RDH10: variants seen among roughly 807,000 people sequenced by gnomAD.
RDH10 encodes retinol dehydrogenase 10.
RDH10 carries 12 observed loss-of-function variants against 30.2 expected under a neutral mutation model. The observed-to-expected ratio is 0.40, with a 90% CI of 0.25 to 0.64. RDH10 has a LOEUF of 0.64. Ranked by LOEUF, RDH10 falls within the 30% of genes least tolerant of loss-of-function variation. RDH10 has a pLI of 0.43. For missense variants in RDH10, 268 were observed against 445.2 expected (o/e 0.60, Z 3.58); for synonymous variants, 189 against 172.2 (o/e 1.10, Z -0.76).
chr8:73,296,303 T>C (rs1361852949), intron 1 of RDH10, among the ~76,000 whole-genome samples: 2 of 152,188 alleles, frequency 1.3e-5, no homozygotes, highest in Admixed American at 6.5e-5. Flanking sequence ...TTCAGGAAAT[T>C]TGATAATGGC....
chr8:73,325,175 A>C lies in RDH10; in HGVS notation c.*2139A>C, dbSNP rs1231171931. On this transcript the variant is annotated 3_prime_UTR_variant, in exon 6 of 6. Transcript: ENST00000240285. ...TAAAACTGAGGAAAGTCGTCTTTAC[A>C]TCTAATTTTATTCTTGTGTGTTATA... 1 of 152,248 alleles carries C rather than the reference A, an allele frequency of 6.6e-6. No individual in the cohort carries two copies. The highest frequency in any genetic ancestry group is 2.4e-5 in the African/African-American group (1 of 41,464). 9.4% of individuals were successfully genotyped at this position (152,248 alleles called of 1,614,324 possible).
At chr8:73,298,324 G>A (rs1814313621) in intron 2 of RDH10, among the ~76,000 whole-genome samples, 1 of 152,014 alleles carries the variant, frequency 6.6e-6, no homozygotes, top group Admixed American at 6.5e-5. Flanking sequence ...AGGCGGATTA[G>A]CCTTCTAATA....
In RDH10 at chr8:73,324,315, A is replaced by G. The variant is rs1339646371; in HGVS notation, c.*1279A>G. ...GACATTTTTACAGTATTTTTTTGTA[A>G]AGCAAACTATTTTGTGCCTTGAATT... is the stretch of plus-strand genomic sequence containing the variant. On this transcript the variant is annotated 3_prime_UTR_variant, in exon 6 of 6. Coordinates refer to ENST00000240285, the MANE Select transcript of RDH10 (RefSeq NM_172037.5). The G allele has an allele frequency of 2.0e-5, 3 of 152,656 alleles. No homozygotes were observed. Among genetic ancestry groups the G allele is most frequent in the Non-Finnish European group, 4.4e-5 (3 of 68,038 alleles). The allele number at this position is 152,656 out of a possible 1,614,324, so 9.5% of individuals were successfully genotyped here.
chr8:73,321,964 G>A (rs1375865340), intron 4 of RDH10: 1 of 455,430 alleles, frequency 2.2e-6, no homozygotes, highest in Non-Finnish European at 4.4e-6. Context: ...GTGTGAACAT[G>A]TGTGTGTGTT....
chr8:73,316,474 A>G (rs1251099355), intron 2 of RDH10, among the ~76,000 whole-genome samples: 3 of 152,224 alleles, frequency 2.0e-5, no homozygotes, highest in Non-Finnish European at 4.4e-5. Flanking sequence ...AACAGATCAA[A>G]ATAATAATTA....
rs1814239537 is a variant in RDH10, at chr8:73,295,269, T to G, written c.-21T>G. On this transcript the variant is annotated 5_prime_UTR_variant, in exon 1 of 6. Transcript: ENST00000240285. The stretch of plus-strand genomic sequence containing the variant: ...GGCGCGGACGCAGGCACTGGGCTCG[T>G]GCGGGGCCCCGGGCGTCGCGATGAA... 16 of 1,499,484 alleles carry G rather than the reference T, an allele frequency of 1.1e-5. No homozygotes were observed. Among genetic ancestry groups the G allele is most frequent in the Admixed American group, 2.0e-5 (1 of 50,204 alleles). The allele number at this position is 1,499,484 out of a possible 1,614,324, so 92.9% of individuals were successfully genotyped here.
chr8:73,316,386 T>A (rs1261608246), intron 2 of RDH10, among the ~76,000 whole-genome samples: 1 of 152,238 alleles, frequency 6.6e-6, no homozygotes, highest in Non-Finnish European at 1.5e-5. Flanking sequence ...TTCTGTGATA[T>A]AATACCCATG....
rs569670929 is a variant in RDH10, at chr8:73,301,533, G to A, written c.525+4104G>A. 4.9e-4 allele frequency among the ~76,000 whole-genome samples: 75 copies of A among 151,900 alleles called. 1 individual carries two copies. The highest frequency in any genetic ancestry group is 1.6e-3 in the African/African-American group (68 of 41,452). The stretch of plus-strand genomic sequence containing the variant: ...AGCACTTTGGAAGGCCAAGGCAGGC[G>A]GATCACTTGATGTCAGGAGTTCGAG... On this transcript the variant is annotated intron_variant, in intron 2 of 5. Transcript: ENST00000240285.
chr8:73,316,264 C>T (rs1027189037), intron 2 of RDH10, among the ~76,000 whole-genome samples: 3 of 152,126 alleles, frequency 2.0e-5, no homozygotes, highest in Non-Finnish European at 4.4e-5. Flanking sequence ...GTGATCCTCC[C>T]GCCTTAACCT....
intron 2 of RDH10, among the ~76,000 whole-genome samples, chr8:73,315,139 C>T (rs1055010722): frequency 9.5e-5 from 13 of 136,462 alleles, no homozygotes; most frequent in African/African-American, 2.8e-4. Context: ...CTCTCCCCAC[C>T]GGCCTCCTCT....
chr8:73,315,419 T>A (rs1814645241), intron 2 of RDH10: 1 of 301,232 alleles, frequency 3.3e-6, no homozygotes, highest in Non-Finnish European at 6.9e-6. Context: ...ACCCTCCTTA[T>A]GGACAAACTG....
rs1331249975 is a variant in RDH10 at position 73,323,130 on chromosome 8, A to G, written c.*94A>G. ...GCATTGCTGACATTTTATGGATTCT[A>G]AACTTGTGTTGTTTCTTTTTTAAAT... On this transcript the variant is annotated 3_prime_UTR_variant, in exon 6 of 6. Coordinates refer to ENST00000240285, the MANE Select transcript of RDH10 (RefSeq NM_172037.5). 6 of 1,017,396 alleles carry G rather than the reference A, an allele frequency of 5.9e-6. No individual in the cohort carries two copies. Among genetic ancestry groups the G allele is most frequent in the Non-Finnish European group, 8.9e-6 (6 of 671,184 alleles). 63.0% of individuals were successfully genotyped at this position (1,017,396 alleles called of 1,614,324 possible).
chr8:73,324,428 A>C lies in RDH10; in HGVS notation c.*1392A>C, dbSNP rs1417881797. On this transcript the variant is annotated 3_prime_UTR_variant, in exon 6 of 6. Transcript: ENST00000240285. ...ACCATCCACTTGTAAATGACTATAA[A>C]CTATTATGTGATTGCTTTTTTTTTT... 1 of 152,486 alleles carries C rather than the reference A, an allele frequency of 6.6e-6. No individual in the cohort carries two copies. Among genetic ancestry groups the C allele is most frequent in the Non-Finnish European group, 1.5e-5 (1 of 68,006 alleles). The allele number at this position is 152,486 out of a possible 1,614,324, so 9.4% of individuals were successfully genotyped here.
chr8:73,300,708 A>G lies in RDH10; in HGVS notation c.525+3279A>G, dbSNP rs73330913. On this transcript the variant is annotated intron_variant, in intron 2 of 5. Coordinates refer to ENST00000240285, the MANE Select transcript of RDH10 (RefSeq NM_172037.5). ...GAAAAGCTGTGGGCACTCCCAAACC[A>G]GTCCACATGCTATTCCCTCTACCTG... 4.8e-3 allele frequency among the ~76,000 whole-genome samples: 732 copies of G among 152,340 alleles called. 1 individual carries two copies. Among genetic ancestry groups the G allele is most frequent in the African/African-American group, 0.016 (681 of 41,590 alleles).
intron 3 of RDH10, 102 bp downstream of exon 3, chr8:73,319,296 G>T: frequency 2.6e-6 from 2 of 782,366 alleles, no homozygotes; most frequent in Non-Finnish European, 4.3e-6. Flanking sequence ...ATTCATGAAA[G>T]CTGCACGAAG....
chr8:73,322,318 C>G (rs919907469), intron 4 of RDH10: 2 of 285,004 alleles, frequency 7.0e-6, no homozygotes, highest in Admixed American at 4.9e-5. Context: ...ATACTAAAAG[C>G]TTGGCATCTT....
intron 2 of RDH10, 130 bp from the exon 3 acceptor site, chr8:73,318,966 T>C: frequency 3.2e-6 from 2 of 617,164 alleles, no homozygotes; most frequent in South Asian, 2.1e-5. Flanking sequence ...TTTTGATAAA[T>C]ATAAAATATT....
chr8:73,294,900 C>G lies in RDH10; in HGVS notation c.-390C>G, dbSNP rs1046477298. On this transcript the variant is annotated 5_prime_UTR_variant, in exon 1 of 6. Coordinates refer to ENST00000240285, the MANE Select transcript of RDH10 (RefSeq NM_172037.5). ...CCGGGGTGAGAGGGAGCCGGCGCGCCGGTTCCGGGGACGCTCGGGCGGCAG... is the reference window on the plus strand; with the variant it reads ...CCGGGGTGAGAGGGAGCCGGCGCGCGGGTTCCGGGGACGCTCGGGCGGCAG... 2.5e-6 allele frequency: 1 copy of G among 394,174 alleles called. No individual in the cohort carries two copies. The highest frequency in any genetic ancestry group is 4.4e-5 in the Admixed American group (1 of 22,580). The allele number at this position is 394,174 out of a possible 1,614,324, so 24.4% of individuals were successfully genotyped here.
chr8:73,320,074 A>C (rs1377697313), intron 3 of RDH10, among the ~76,000 whole-genome samples: 1 of 152,244 alleles, frequency 6.6e-6, no homozygotes. Context: ...CTTTAGGTTA[A>C]GTTCTAGTTT....
Sources: allele counts gnomAD v4.1 joint callset (sites outside exome capture counted in the v4.1 genomes callset), GRCh38; gene constraint gnomAD v4.1.1; transcripts MANE v1.5; gene names NCBI Gene and HGNC (gene_info 2026-07-23, HGNC 2026-07-21).